The following OXCT1 variants were observed in gnomAD, a reference collection of about 807,000 sequenced individuals.
OXCT1 encodes the protein 3-oxoacid CoA-transferase 1, also known as succinyl-CoA:3-ketoacid coenzyme A transferase 1, mitochondrial.
OXCT1 carries 27 observed loss-of-function variants against 69.6 expected under a neutral mutation model. The ratio of observed to expected loss-of-function variants is 0.39; its 90% CI spans 0.29 to 0.54. The LOEUF (loss-of-function observed/expected upper bound fraction) is 0.54, where lower values mean the gene tolerates loss of function less well. OXCT1 is among the 20% of genes least tolerant of loss of function. The pLI, the probability that OXCT1 is intolerant of heterozygous loss-of-function variation, is 0.72. For synonymous variants in OXCT1, 202 were observed against 217.8 expected (o/e 0.93, Z 0.64); for missense variants, 437 against 650.2 (o/e 0.67, Z 3.57).
chr5:41,844,129 T>C (rs1183706872), intron 5 of OXCT1, among the ~76,000 whole-genome samples: 1 of 152,238 alleles, frequency 6.6e-6, no homozygotes, highest in African/African-American at 2.4e-5. Flanking sequence ...TGTGTCTACA[T>C]ACCAGCTGTT....
Position 41,840,849 on chromosome 5 carries a change from T to C in OXCT1, c.672-338A>G, listed in dbSNP as rs528052857. ...ATTTCCCTTAATCTTTTAACAAGTA[T>C]GCTTTGTCCCTATTAGTTAAATATT... On this transcript the variant is annotated intron_variant, in intron 6 of 16. Coordinates refer to ENST00000196371, the MANE Select transcript of OXCT1 (RefSeq NM_000436.4). Among the ~76,000 whole-genome samples, 12 of 152,332 alleles carry C rather than the reference T, an allele frequency of 7.9e-5. No individual in the cohort carries two copies. In the South Asian group the frequency reaches 2.5e-3, roughly 32 times the overall value.
At chr5:41,840,390 G>T in intron 7 of OXCT1, 61 bp downstream of exon 7, 1 of 1,247,344 alleles carries the variant, frequency 8.0e-7, no homozygotes, top group South Asian at 1.2e-5. Flanking sequence ...ACTTTTTCTT[G>T]AATTAATACT....
At chr5:41,848,271 G>T (rs1054077954) in intron 5 of OXCT1, among the ~76,000 whole-genome samples, 9 of 151,690 alleles carry the variant, frequency 5.9e-5, no homozygotes, top group East Asian at 3.9e-4. Flanking sequence ...CACTGCTCAA[G>T]GAAATAAAAG....
At chr5:41,805,381 T>C (rs1049191592) in intron 9 of OXCT1, among the ~76,000 whole-genome samples, 186 bp downstream of exon 9, 1 of 151,908 alleles carries the variant, frequency 6.6e-6, no homozygotes, top group Admixed American at 6.6e-5. Flanking sequence ...AAGAGATATC[T>C]GTCATGTATC....
At chr5:41,770,866 G>A (rs1744842893) in intron 13 of OXCT1, among the ~76,000 whole-genome samples, 1 of 152,060 alleles carries the variant, frequency 6.6e-6, no homozygotes, top group Admixed American at 6.6e-5. Context: ...CTGACTCCAG[G>A]CAGAATATTT....
intron 15 of OXCT1, among the ~76,000 whole-genome samples, chr5:41,746,183 C>T (rs954322348): frequency 2.6e-5 from 4 of 152,126 alleles, no homozygotes; most frequent in Non-Finnish European, 5.9e-5. Flanking sequence ...TCCAGCAGCA[C>T]ATCAAAAAGC....
chr5:41,761,974 T>C lies in OXCT1; in HGVS notation c.1338+137A>G, dbSNP rs1192900401. 15 of 726,350 alleles carry C rather than the reference T, an allele frequency of 2.1e-5. No individual in the cohort carries two copies. The East Asian group carries it at 3.7e-4, about 18-fold the overall frequency. 45.0% of individuals were successfully genotyped at this position (726,350 alleles called of 1,614,324 possible). A position where few individuals can be genotyped will look rare whatever the true frequency, so the allele number is the denominator to read the frequency against. ...TAAGTAACTGTTTTTGTCATCTTTC[T>C]CTCTCAAATGTAAATGCTATCACCT... On this transcript the variant is annotated intron_variant, in intron 14 of 16. Transcript: ENST00000196371.
intron 10 of OXCT1, among the ~76,000 whole-genome samples, chr5:41,801,546 G>A (rs373553439): frequency 1.3e-5 from 2 of 151,994 alleles, no homozygotes; most frequent in East Asian, 3.9e-4. Context: ...AAAAATCAAA[G>A]AGGAAAAATT....
chr5:41,864,466 C>G, intron 1 of OXCT1, among the ~76,000 whole-genome samples: 1 of 152,130 alleles, frequency 6.6e-6, no homozygotes, highest in East Asian at 1.9e-4. Context: ...AGTTTTCCCT[C>G]TTTTCTATTC....
intron 7 of OXCT1, among the ~76,000 whole-genome samples, chr5:41,836,135 G>A (rs1157935058): frequency 1.3e-5 from 2 of 152,134 alleles, no homozygotes; most frequent in East Asian, 3.9e-4. Context: ...ACACATGGAA[G>A]GCAACACCCA....
chr5:41,806,335 A>G (rs1746680508), intron 8 of OXCT1, among the ~76,000 whole-genome samples: 1 of 151,994 alleles, frequency 6.6e-6, no homozygotes, highest in African/African-American at 2.4e-5. Context: ...ACCCTACTGT[A>G]TGTCTATTCT....
chr5:41,860,624 T>C (rs180713608), intron 3 of OXCT1, among the ~76,000 whole-genome samples: 32 of 152,290 alleles, frequency 2.1e-4, no homozygotes, highest in African/African-American at 7.7e-4. Flanking sequence ...AAAATGCCAA[T>C]TGGGTGATTA....
At chr5:41,860,984 T>A (rs1203759443) in intron 3 of OXCT1, among the ~76,000 whole-genome samples, 1 of 152,150 alleles carries the variant, frequency 6.6e-6, no homozygotes, top group East Asian at 1.9e-4. Context: ...ACATTTAAAT[T>A]TTAAAATGCA....
intron 13 of OXCT1, among the ~76,000 whole-genome samples, chr5:41,778,982 CA>C (rs1745264675): frequency 6.6e-6 from 1 of 152,158 alleles, no homozygotes; most frequent in East Asian, 1.9e-4. Flanking sequence ...ATGTGATTTT[CA>C]CCATAGCATT....
chr5:41,764,313 A>AC (rs1744493417), intron 13 of OXCT1, among the ~76,000 whole-genome samples: 1 of 152,140 alleles, frequency 6.6e-6, no homozygotes, highest in Non-Finnish European at 1.5e-5. Flanking sequence ...TATCTGTCCT[A>AC]CCATAGAGCT....
At chr5:41,854,719 T>C (rs1749351119) in intron 3 of OXCT1, among the ~76,000 whole-genome samples, 2 of 152,046 alleles carry the variant, frequency 1.3e-5, no homozygotes, top group South Asian at 4.1e-4. Flanking sequence ...ACACTTTTAA[T>C]GGCAAAAAGT....
intron 3 of OXCT1, among the ~76,000 whole-genome samples, chr5:41,858,425 C>G (rs1236764576): frequency 6.6e-6 from 1 of 152,138 alleles, no homozygotes; most frequent in African/African-American, 2.4e-5. Context: ...CATCTTATAG[C>G]TCTTTAATAC....
At chr5:41,822,892 C>G (rs536602018) in intron 7 of OXCT1, among the ~76,000 whole-genome samples, 2 of 152,262 alleles carry the variant, frequency 1.3e-5, no homozygotes, top group South Asian at 4.1e-4. Context: ...TGTTTTTAAT[C>G]CACTGTGAGT....
chr5:41,809,592 T>C (rs1162002486), intron 7 of OXCT1, among the ~76,000 whole-genome samples: 1 of 151,996 alleles, frequency 6.6e-6, no homozygotes, highest in Non-Finnish European at 1.5e-5. Flanking sequence ...TGACAGCAGC[T>C]TCCTTTGGTC....
Sources: allele counts gnomAD v4.1 joint callset (sites outside exome capture counted in the v4.1 genomes callset), GRCh38; gene constraint gnomAD v4.1.1; transcripts MANE v1.5; gene names NCBI Gene and HGNC (gene_info 2026-07-23, HGNC 2026-07-21).